Variants in TMF1 observed in about 807,000 individuals in gnomAD.
TMF1 encodes TATA element modulatory factor 1, also known as TATA element modulatory factor.
TMF1 carries 71 observed loss-of-function variants against 126.5 expected under a neutral mutation model. The observed-to-expected ratio is 0.56, with a 90% CI of 0.46 to 0.68. The LOEUF is 0.68. Among genes scored for constraint, TMF1 ranks in the 30% least tolerant of loss-of-function variants. The probability of loss-of-function intolerance (pLI) is 0.00; values close to 1 mark genes in which losing one functional copy is unlikely to be tolerated. For missense variants in TMF1, 1,259 were observed against 1,253.2 expected (o/e 1.00, Z -0.07); for synonymous variants, 461 against 430.5 (o/e 1.07, Z -0.88).
intron 10 of TMF1, among the ~76,000 whole-genome samples, chr3:69,031,933 T>G (rs370339846): frequency 1.3e-5 from 2 of 152,234 alleles, no homozygotes; most frequent in Non-Finnish European, 2.9e-5. Context: ...TCAAAAGATA[T>G]CATTTTCAGA....
chr3:69,048,628 T>G (rs1327102139), intron 1 of TMF1, 66 bp from the exon 2 acceptor site: 2 of 1,313,104 alleles, frequency 1.5e-6, no homozygotes, highest in Non-Finnish European at 2.0e-6. Context: ...CAATCATCAT[T>G]ATAAATCAGT....
Position 69,042,872 on chromosome 3 carries a change from T to C in TMF1, c.1619A>G (p.Asn540Ser). The change falls in exon 5 of 17, where the codon AAT becomes AGT. Residue 540 changes from asparagine (N) to serine (S), a missense_variant. Coordinates refer to ENST00000398559, the MANE Select transcript of TMF1 (RefSeq NM_007114.3). The stretch of plus-strand genomic sequence containing the variant: ...CAAAAGGTCTGCAGTTTCACTACTA[T>C]TTAATCTAGTGGCAAGTTCTTCTTT... Reference protein sequence around the residue: ...NIKEELATRLNSSETADLLKE... With the variant: ...NIKEELATRLSSSETADLLKE... 3.7e-6 allele frequency: 6 copies of C among 1,613,604 alleles called. No homozygotes were observed. The highest frequency in any genetic ancestry group is 5.1e-6 in the Non-Finnish European group (6 of 1,179,798).
At chr3:69,035,198 G>T in intron 8 of TMF1, 83 bp from the exon 9 acceptor site, 1 of 1,137,642 alleles carries the variant, frequency 8.8e-7, no homozygotes, top group Non-Finnish European at 1.3e-6. Flanking sequence ...TTTGTGTTGT[G>T]TCAACATTGT....
chr3:69,050,747 C>T (rs951622656), intron 1 of TMF1, among the ~76,000 whole-genome samples: 5 of 152,154 alleles, frequency 3.3e-5, no homozygotes, highest in African/African-American at 4.8e-5. Context: ...ATATCTTAAA[C>T]TGAGGTACCT....
At chr3:69,045,334 T>C (rs2091889821) in intron 2 of TMF1, among the ~76,000 whole-genome samples, 1 of 151,966 alleles carries the variant, frequency 6.6e-6, no homozygotes, top group Non-Finnish European at 1.5e-5. Context: ...GGCAGGCACC[T>C]GTAATCCCAG....
rs2091725934 is a variant in TMF1 at position 69,020,944 on chromosome 3, T to A, written c.*2233A>T. On this transcript the variant is annotated 3_prime_UTR_variant, in exon 17 of 17. Coordinates refer to ENST00000398559, the MANE Select transcript of TMF1 (RefSeq NM_007114.3). The stretch of plus-strand genomic sequence containing the variant: ...TGGATATTTTAAAGGGACTATTTTA[T>A]AATTCCAAAACGTCTAGTTTCAAAT... 1 of 152,208 alleles carries A rather than the reference T, an allele frequency of 6.6e-6. No homozygotes were observed. Among genetic ancestry groups the A allele is most frequent in the Admixed American group, 6.5e-5 (1 of 15,278 alleles). 9.4% of individuals were successfully genotyped at this position (152,208 alleles called of 1,614,324 possible). A position where few individuals can be genotyped will look rare whatever the true frequency, so the allele number is the denominator to read the frequency against.
intron 7 of TMF1, 35 bp from the exon 8 acceptor site, chr3:69,038,755 A>G: frequency 6.3e-7 from 1 of 1,597,906 alleles, no homozygotes; most frequent in Non-Finnish European, 8.5e-7. Context: ...AAATGTTGCC[A>G]GTGATCAGAT....
Position 69,048,162 on chromosome 3 carries a change from AAC to A in TMF1, c.541_542del (p.Val181Ter). The A allele has an allele frequency of 6.2e-7, 1 of 1,614,182 alleles. No individual in the cohort carries two copies. On this transcript the variant is annotated frameshift_variant, in exon 2 of 17. Transcript: ENST00000398559. LOFTEE classifies it high-confidence loss of function. ...PKTEGKHEET[V>X]NKESDMKVPT... ...GCACCTTCATATCCGATTCTTTATT[AAC>A]AGTTTCTTCGTGCTTGCCTTCAGTT... is the stretch of plus-strand genomic sequence containing the variant.
chr3:69,041,331 C>T (rs1033609939), intron 5 of TMF1, among the ~76,000 whole-genome samples: 1 of 152,048 alleles, frequency 6.6e-6, no homozygotes, highest in African/African-American at 2.4e-5. Context: ...TGAACTAAGC[C>T]CCTAAAGGAC....
At chr3:69,030,229 G>A (rs2091791690) in intron 10 of TMF1, 1 of 426,154 alleles carries the variant, frequency 2.3e-6, no homozygotes, top group Admixed American at 4.1e-5. Context: ...TCAAAATGGA[G>A]TCATGCATTA....
At chr3:69,045,501 C>T (rs1012853508) in intron 2 of TMF1, among the ~76,000 whole-genome samples, 12 of 151,408 alleles carry the variant, frequency 7.9e-5, no homozygotes, top group South Asian at 4.2e-4. Flanking sequence ...AAGTAGAGGC[C>T]GGGCATGGTG....
At chr3:69,028,415 C>A in intron 11 of TMF1, 120 bp from the exon 12 acceptor site, 2 of 624,770 alleles carry the variant, frequency 3.2e-6, no homozygotes, top group Admixed American at 3.0e-5. Context: ...TTATTACCAG[C>A]TTGACATCAG....
intron 4 of TMF1, 142 bp from the exon 5 acceptor site, chr3:69,043,054 C>T (rs2091876700): frequency 1.7e-6 from 1 of 591,340 alleles, no homozygotes; most frequent in East Asian, 2.9e-5. Context: ...AATCTACTAC[C>T]TTGGTTAACT....
Position 69,047,434 on chromosome 3 carries a change from A to T in TMF1, c.1271T>A (p.Leu424Ter). 1.2e-6 allele frequency: 2 copies of T among 1,614,148 alleles called. No homozygotes were observed. Among genetic ancestry groups the T allele is most frequent in the Non-Finnish European group, 1.7e-6 (2 of 1,180,000 alleles). ...STPINEGQTV[L>*]DKVAEQCEPA... is the part of the protein sequence containing the mutation. ...TTCACACTGCTCAGCCACCTTGTCT[A>T]ACACAGTCTGTCCTTCATTTATTGG... is the stretch of plus-strand genomic sequence containing the variant. Residue 424 changes from leucine to a stop codon, truncating the protein, a stop_gained, in exon 2 of 17, where the codon TTA becomes TAA. Coordinates refer to ENST00000398559, the MANE Select transcript of TMF1 (RefSeq NM_007114.3). LOFTEE classifies it high-confidence loss of function.
Position 69,038,936 on chromosome 3 carries a change from C to A in TMF1, c.1901G>T (p.Arg634Leu). ...AAGACGGCCAAGATCTTTCTCTTGG[C>A]GTTCTACCATGGAATTTAGTTTTTT... is the stretch of plus-strand genomic sequence containing the variant. ...NIKKLNSMVERQEKDLGRLQV... is the reference protein window; with the variant it reads ...NIKKLNSMVELQEKDLGRLQV... The change falls in exon 7 of 17, where the codon CGC becomes CTC. Residue 634 changes from arginine to leucine, a missense_variant. Coordinates refer to ENST00000398559, the MANE Select transcript of TMF1 (RefSeq NM_007114.3). 1 of 1,611,140 alleles carries A rather than the reference C, an allele frequency of 6.2e-7. No individual in the cohort carries two copies. Among genetic ancestry groups the A allele is most frequent in the Non-Finnish European group, 8.5e-7 (1 of 1,179,168 alleles).
chr3:69,042,727 G>T, intron 5 of TMF1, 80 bp downstream of exon 5: 1 of 1,152,842 alleles, frequency 8.7e-7, no homozygotes, highest in Non-Finnish European at 1.3e-6. Flanking sequence ...TTTTTAATTA[G>T]GAAGCATCAG....
chr3:69,026,134 G>T (rs1328280147), intron 13 of TMF1, 37 bp from the exon 14 acceptor site: 4 of 1,368,300 alleles, frequency 2.9e-6, no homozygotes, highest in African/African-American at 1.4e-5. Flanking sequence ...ATATTAAAGA[G>T]CAAAGAGATA....
intron 11 of TMF1, among the ~76,000 whole-genome samples, chr3:69,028,641 T>C (rs1575809400): frequency 6.6e-6 from 1 of 152,236 alleles, no homozygotes; most frequent in African/African-American, 2.4e-5. Flanking sequence ...AAAATGTTTC[T>C]AAAAGTTCAG....
rs1353527131 is a variant in TMF1, at chr3:69,043,876, A to C, written c.1452T>G (p.Asp484Glu). 6.3e-7 allele frequency: 1 copy of C among 1,596,858 alleles called. No homozygotes were observed. The highest frequency in any genetic ancestry group is 8.5e-7 in the Non-Finnish European group (1 of 1,172,884). ...LLEEAFDNLK[D>E]EMFRVKEESS... is the part of the protein sequence containing the mutation. ...TTTCTTCTTTCACTCTGAACATTTC[A>C]CTAAATTTAAAATAATATTTGAGAA... The change falls in exon 4 of 17, where the codon GAT (aspartate) becomes GAG (glutamate). Residue 484 changes from aspartate to glutamate, a missense_variant and splice_region_variant. Physicochemically the swap from Asp to Glu is conservative, Grantham distance 45. Transcript: ENST00000398559.
Sources: gnomAD v4.1 joint callset for allele counts (sites outside exome capture counted in the v4.1 genomes callset) on GRCh38, gnomAD v4.1.1 for gene constraint, MANE v1.5 for transcripts, NCBI Gene and HGNC (gene_info 2026-07-23, HGNC 2026-07-21) for gene names.